The following PHF8 variants were observed in gnomAD, a reference collection of about 807,000 sequenced individuals.
The protein encoded by PHF8 is PHD finger protein 8, also known as histone lysine demethylase PHF8.
In PHF8, 9 loss-of-function variants were observed where a neutral mutation model predicts 74.4. That is an observed-to-expected ratio of 0.12 (90% CI 0.07 to 0.21). The LOEUF (loss-of-function observed/expected upper bound fraction) is 0.21, where lower values mean the gene tolerates loss of function less well. PHF8 is among the 10% of genes least tolerant of loss of function. PHF8 has a pLI of 1.00. For synonymous variants in PHF8, 311 were observed against 316.6 expected (o/e 0.98, Z 0.19); for missense variants, 478 against 816.6 (o/e 0.59, Z 5.05).
At chrX:53,979,368 C>T (rs190798178) in intron 18 of PHF8, among the ~76,000 whole-genome samples, 6 of 110,628 alleles carry the variant, frequency 5.4e-5, no homozygotes, top group East Asian at 5.6e-4. Flanking sequence ...GGTGACAGAG[C>T]GAGACTCTGT....
intron 19 of PHF8, among the ~76,000 whole-genome samples, chrX:53,956,675 C>CGTGTGT (rs376217153): frequency 5.3e-4 from 52 of 97,554 alleles, no homozygotes; most frequent in African/African-American, 9.3e-4. Flanking sequence ...AAAATATGTG[C>CGTGTGT]GTGTGTGTGT....
chrX:54,008,282 G>A (rs781886237), intron 8 of PHF8, among the ~76,000 whole-genome samples: 4 of 107,409 alleles, frequency 3.7e-5, no homozygotes, highest in African/African-American at 6.8e-5. Flanking sequence ...CCAGAGAATC[G>A]CTTGAACCTG....
upstream of PHF8, among the ~76,000 whole-genome samples, chrX:54,047,638 G>A (rs2066640152): frequency 1.8e-5 from 2 of 111,485 alleles, no homozygotes; most frequent in African/African-American, 3.3e-5. Context: ...GGATTTAGGG[G>A]TAAACAAAAC....
intron 19 of PHF8, 31 bp from the exon 20 acceptor site, chrX:53,944,274 C>A (rs1557084474): frequency 9.5e-6 from 10 of 1,047,268 alleles, no homozygotes; most frequent in Non-Finnish European, 1.3e-5. Context: ...GAAGGTGTCA[C>A]TAAGACATTT....
chrX:54,044,661 G>C (rs1557117011), upstream of PHF8, among the ~76,000 whole-genome samples: 3 of 113,071 alleles, frequency 2.7e-5, no homozygotes, highest in Non-Finnish European at 5.6e-5. Context: ...TCTTAGGCGA[G>C]GCAGACGTTT....
At chrX:53,948,471 C>G (rs1415822985) in intron 19 of PHF8, among the ~76,000 whole-genome samples, 3 of 110,143 alleles carry the variant, frequency 2.7e-5, no homozygotes, top group Non-Finnish European at 5.7e-5. Flanking sequence ...TGGGGTTTCA[C>G]CATGTTGGCC....
chrX:53,938,938 T>C lies in PHF8; in HGVS notation c.*220A>G. 1 of 982,849 alleles carries C rather than the reference T, an allele frequency of 1.0e-6. No homozygotes were observed. The highest frequency in any genetic ancestry group is 1.3e-6 in the Non-Finnish European group (1 of 781,872). The allele number at this position is 982,849 out of a possible 1,213,427, so 81.0% of individuals were successfully genotyped here. On this transcript the variant is annotated 3_prime_UTR_variant, in exon 22 of 22. Transcript: ENST00000338154. The stretch of plus-strand genomic sequence containing the variant: ...CAGCTGGAAACCTCTCCCATTTACC[T>C]GCTCCTCAGTGGAGAAGGCAGGCAG...
intron 2 of PHF8, among the ~76,000 whole-genome samples, chrX:54,028,707 G>C (rs1557111908): frequency 9.0e-6 from 1 of 111,724 alleles, no homozygotes; most frequent in East Asian, 2.8e-4. Flanking sequence ...CTTCTCTTAG[G>C]TTTCCCACTT....
chrX:53,937,697 G>A lies in PHF8; in HGVS notation c.*1461C>T. 1 of 302,746 alleles carries A rather than the reference G, an allele frequency of 3.3e-6. No individual in the cohort carries two copies. The highest frequency in any genetic ancestry group is 5.8e-6 in the Non-Finnish European group (1 of 171,024). 24.9% of individuals were successfully genotyped at this position (302,746 alleles called of 1,213,427 possible). On this transcript the variant is annotated 3_prime_UTR_variant, in exon 22 of 22. Coordinates refer to ENST00000338154, the MANE Select transcript of PHF8 (RefSeq NM_015107.3). ...AAAGACAAACTGGAGATACAAAGAT[G>A]ACAAAAGAAGCCTCACAAATTCCCT...
At chrX:53,961,133 G>A (rs1232927038) in intron 19 of PHF8, among the ~76,000 whole-genome samples, 4 of 106,244 alleles carry the variant, frequency 3.8e-5, no homozygotes, top group Non-Finnish European at 7.7e-5. Flanking sequence ...AGCAATTCTC[G>A]TGCCTCAGCC....
At chrX:53,995,222 T>C (rs1403104343) in intron 12 of PHF8, 1 of 339,979 alleles carries the variant, frequency 2.9e-6, no homozygotes, top group Non-Finnish European at 5.9e-6. Context: ...TTTTGCAGAA[T>C]GCAGAGACTG....
Position 53,986,529 on chromosome X carries a change from G to A in PHF8, c.1995+549C>T, listed in dbSNP as rs782618469. Among the ~76,000 whole-genome samples, 89 of 112,640 alleles carry A rather than the reference G, an allele frequency of 7.9e-4. No homozygotes were observed. In the South Asian group the frequency reaches 0.032, roughly 40 times the overall value. Reference sequence around the variant, plus strand: ...ATTACAGGCGTGAGCCACCACGCCCGGCCCACACTGACTTTCATTCTATTC... The same window carrying A: ...ATTACAGGCGTGAGCCACCACGCCCAGCCCACACTGACTTTCATTCTATTC... On this transcript the variant is annotated intron_variant, in intron 16 of 21. Coordinates refer to ENST00000338154, the MANE Select transcript of PHF8 (RefSeq NM_015107.3).
At chrX:53,945,001 G>A (rs868960850) in intron 19 of PHF8, among the ~76,000 whole-genome samples, 2 of 109,741 alleles carry the variant, frequency 1.8e-5, no homozygotes, top group African/African-American at 3.3e-5. Context: ...CAGCCTCAGC[G>A]ACACAGTGAA....
chrX:53,967,266 T>C (rs1402352522), intron 18 of PHF8, among the ~76,000 whole-genome samples: 384 of 39,438 alleles, frequency 9.7e-3, no homozygotes, highest in Middle Eastern at 0.026. Flanking sequence ...GGGAGGGAGG[T>C]GGGGGGGTCA....
chrX:54,047,543 G>A (rs977366526), upstream of PHF8, among the ~76,000 whole-genome samples: 4 of 111,641 alleles, frequency 3.6e-5, no homozygotes, highest in East Asian at 8.4e-4. Context: ...GTCTACTGGC[G>A]GAAACAGTCA....
chrX:53,993,316 C>T (rs2065696979), intron 13 of PHF8, among the ~76,000 whole-genome samples: 2 of 112,187 alleles, frequency 1.8e-5, no homozygotes, highest in South Asian at 7.4e-4. Context: ...GTCCCACACA[C>T]ACCCCTGATT....
At chrX:54,043,094 G>A in intron 1 of PHF8, 1 of 786,403 alleles carries the variant, frequency 1.3e-6, no homozygotes, top group South Asian at 6.7e-5. Context: ...ACTTCTTTCC[G>A]GGTTTCAAGA....
intron 2 of PHF8, among the ~76,000 whole-genome samples, chrX:54,032,155 C>G (rs923698454): frequency 5.4e-5 from 6 of 111,590 alleles, no homozygotes; most frequent in Non-Finnish European, 1.1e-4. Flanking sequence ...TCCTTACACC[C>G]TATACCCATG....
In PHF8 at chrX:54,044,316, G is replaced by C; in HGVS notation, c.-647C>G. On this transcript the variant is annotated 5_prime_UTR_variant, in exon 1 of 22. Coordinates refer to ENST00000338154, the MANE Select transcript of PHF8 (RefSeq NM_015107.3). Reference sequence around the variant, plus strand: ...TGGGAGAAGCCCAGTGGCGGTGGTAGGCAATTCGGAGTAGTCAATAAAGTT... The same window carrying C: ...TGGGAGAAGCCCAGTGGCGGTGGTACGCAATTCGGAGTAGTCAATAAAGTT... 4.0e-6 allele frequency: 3 copies of C among 754,943 alleles called. No homozygotes were observed. Among genetic ancestry groups the C allele is most frequent in the Non-Finnish European group, 4.7e-6 (3 of 639,132 alleles). 62.2% of individuals were successfully genotyped at this position (754,943 alleles called of 1,213,427 possible).
Sources: gnomAD v4.1 joint callset for allele counts (sites outside exome capture counted in the v4.1 genomes callset) on GRCh38, gnomAD v4.1.1 for gene constraint, MANE v1.5 for transcripts, NCBI Gene and HGNC (gene_info 2026-07-23, HGNC 2026-07-21) for gene names.